The following TJP1 variants were observed in gnomAD, a reference collection of about 807,000 sequenced individuals.
TJP1 encodes tight junction protein 1.
Under a neutral mutation model 194.2 loss-of-function variants are expected in TJP1, and 43 were observed. That is an observed-to-expected ratio of 0.22 (90% CI 0.17 to 0.29). The LOEUF (loss-of-function observed/expected upper bound fraction) is 0.29. TJP1 is among the 10% of genes least tolerant of loss of function. The probability of loss-of-function intolerance (pLI) is 1.00; values close to 1 mark genes in which losing one functional copy is unlikely to be tolerated. For synonymous variants in TJP1, 801 were observed against 779.0 expected (o/e 1.03, Z -0.47); for missense variants, 1,971 against 2,185.7 (o/e 0.90, Z 1.96).
At chr15:29,934,035 A>C (rs978963879) in intron 2 of TJP1, among the ~76,000 whole-genome samples, 1 of 152,204 alleles carries the variant, frequency 6.6e-6, no homozygotes, top group Non-Finnish European at 1.5e-5. Flanking sequence ...GACGAAAAAA[A>C]ATCCCTCATT....
At chr15:29,787,208 C>A (rs2047755233) in intron 2 of TJP1, among the ~76,000 whole-genome samples, 1 of 152,100 alleles carries the variant, frequency 6.6e-6, no homozygotes, top group Admixed American at 6.6e-5. Flanking sequence ...GTAACCATCA[C>A]TGGTTACAGA....
intron 1 of TJP1, among the ~76,000 whole-genome samples, chr15:29,960,608 T>C (rs2056118809): frequency 6.7e-6 from 1 of 148,534 alleles, no homozygotes; most frequent in Admixed American, 6.7e-5. Context: ...TGCACTCCAG[T>C]CTGGGCAATG....
intron 11 of TJP1, among the ~76,000 whole-genome samples, chr15:29,735,918 CTT>C: frequency 6.6e-6 from 1 of 152,226 alleles, no homozygotes; most frequent in African/African-American, 2.4e-5. Context: ...AGTGAAAAGA[CTT>C]TGATTACGAG....
chr15:29,929,485 T>A lies in TJP1; in HGVS notation c.306+26747A>T, dbSNP rs527638661. On this transcript the variant is annotated intron_variant, in intron 2 of 28. Transcript: ENST00000356107. ...GCCGGGGGAAGTGGATGACATGAGG[T>A]CAGAAGTTTGATACCAGCCTGGCCA... Among the ~76,000 whole-genome samples, 13 of 152,114 alleles carry A rather than the reference T, an allele frequency of 8.5e-5. No homozygotes were observed. The East Asian group carries it at 2.5e-3, about 29-fold the overall frequency.
intron 4 of TJP1, among the ~76,000 whole-genome samples, chr15:29,771,511 G>C (rs1370292341): frequency 6.6e-6 from 1 of 152,152 alleles, no homozygotes; most frequent in African/African-American, 2.4e-5. Context: ...AAGCCAAAAA[G>C]AGGTAACTAT....
intron 2 of TJP1, among the ~76,000 whole-genome samples, chr15:29,949,802 ACCATCTTCACCACTGCTACCT>A (rs2055573666): frequency 1.6e-5 from 1 of 63,502 alleles, no homozygotes; most frequent in Non-Finnish European, 3.0e-5. Flanking sequence ...CTCCACCACA[ACCATCTTCACCACTGCTACCT>A]CCACCACCAC....
chr15:29,770,098 C>T (rs1352296308), intron 4 of TJP1, among the ~76,000 whole-genome samples: 1 of 151,960 alleles, frequency 6.6e-6, no homozygotes, highest in South Asian at 2.1e-4. Context: ...TAGCCCTAGG[C>T]TAATGTGTGT....
intron 9 of TJP1, 86 bp downstream of exon 9, chr15:29,742,556 G>C: frequency 7.3e-7 from 1 of 1,366,986 alleles, no homozygotes; most frequent in Non-Finnish European, 9.6e-7. Context: ...AATAATAATT[G>C]CATCTTTAAA....
intron 2 of TJP1, among the ~76,000 whole-genome samples, chr15:29,914,882 G>A (rs1284467020): frequency 1.3e-5 from 2 of 151,084 alleles, no homozygotes; most frequent in South Asian, 2.1e-4. Context: ...ACACACGCAC[G>A]CACACACATG....
rs1372437496 is a variant in TJP1, at chr15:29,704,177, A to T, written c.5197T>A (p.Ser1733Thr). ...PDGWSFALKS[S>T]DSSSGDPKTW... ...GACAGCATACCCGACGAGGAGTCGGATGATTTTAGAGCAAAAGACCAACCG... is the reference window on the plus strand; with the variant it reads ...GACAGCATACCCGACGAGGAGTCGGTTGATTTTAGAGCAAAAGACCAACCG... The change falls in exon 27 of 28, where the codon TCC becomes ACC. Residue 1733 changes from serine (S) to threonine (T), a missense_variant. Coordinates refer to ENST00000614355, the MANE Select transcript of TJP1 (RefSeq NM_001330239.4). 1 of 1,563,612 alleles carries T rather than the reference A, an allele frequency of 6.4e-7. No individual in the cohort carries two copies. The highest frequency in any genetic ancestry group is 1.3e-5 in the African/African-American group (1 of 74,112).
chr15:29,968,706 G>T, exon 1 of TJP1: 1 of 1,197,700 alleles, frequency 8.3e-7, no homozygotes, highest in Non-Finnish European at 1.1e-6. Context: ...GCCGCGGTTG[G>T]AGGGGGTGAC....
At chr15:29,711,232 G>C (rs1369079355) in intron 23 of TJP1, among the ~76,000 whole-genome samples, 1 of 152,162 alleles carries the variant, frequency 6.6e-6, no homozygotes, top group African/African-American at 2.4e-5. Context: ...AAAACATCCA[G>C]AAGATGGCAA....
chr15:29,968,203 C>G (rs1414733646), intron 1 of TJP1: 1 of 985,256 alleles, frequency 1.0e-6, no homozygotes, highest in African/African-American at 1.7e-5. Context: ...TTGCCTTGCT[C>G]GTCCTCTACT....
At chr15:29,920,779 G>C (rs920435860) in intron 2 of TJP1, among the ~76,000 whole-genome samples, 1 of 152,156 alleles carries the variant, frequency 6.6e-6, no homozygotes, top group Non-Finnish European at 1.5e-5. Flanking sequence ...CTCCGTTCCC[G>C]AAGCTGATTC....
At chr15:29,896,013 C>T (rs1268865097) in intron 2 of TJP1, among the ~76,000 whole-genome samples, 2 of 152,166 alleles carry the variant, frequency 1.3e-5, no homozygotes, top group African/African-American at 4.8e-5. Flanking sequence ...TACAAGTTCA[C>T]TAATCTCATT....
At position 29,822,224 on chromosome 15, in the gene TJP1, C is replaced by A. The variant is rs1017653071; in HGVS notation, c.-196G>T. 6 of 1,177,442 alleles carry A rather than the reference C, an allele frequency of 5.1e-6. No homozygotes were observed. Among genetic ancestry groups the A allele is most frequent in the Non-Finnish European group, 6.3e-6 (6 of 952,702 alleles). The allele number at this position is 1,177,442 out of a possible 1,614,324, so 72.9% of individuals were successfully genotyped here. ...AAGTCCGGGAAGCGCCCGCCCCGCC[C>A]GGGTCTTCTCCACGGGGCGCGCCCG... On this transcript the variant is annotated 5_prime_UTR_variant, in exon 1 of 28. Coordinates refer to ENST00000614355, the MANE Select transcript of TJP1 (RefSeq NM_001330239.4).
At chr15:29,853,976 C>T (rs190494224) in intron 2 of TJP1, among the ~76,000 whole-genome samples, 1 of 152,232 alleles carries the variant, frequency 6.6e-6, no homozygotes, top group Admixed American at 6.5e-5. Context: ...CACCGCATCA[C>T]CACTAGATTT....
At chr15:29,795,333 GA>G (rs1380764142) in intron 2 of TJP1, among the ~76,000 whole-genome samples, 3 of 150,278 alleles carry the variant, frequency 2.0e-5, no homozygotes, top group Non-Finnish European at 3.0e-5. Context: ...TGAGGCAGGA[GA>G]ATCGCTTCAA....
At chr15:29,893,639 T>G (rs2053382927) in intron 2 of TJP1, among the ~76,000 whole-genome samples, 1 of 152,218 alleles carries the variant, frequency 6.6e-6, no homozygotes, top group South Asian at 2.1e-4. Flanking sequence ...TGCTAAAGGT[T>G]CAGATAATCA....
Sources: allele counts gnomAD v4.1 joint callset (sites outside exome capture counted in the v4.1 genomes callset), GRCh38; gene constraint gnomAD v4.1.1; transcripts MANE v1.5; gene names NCBI Gene and HGNC (gene_info 2026-07-23, HGNC 2026-07-21).